The following TTC5 variants were observed in gnomAD, a reference collection of about 807,000 sequenced individuals.
TTC5 encodes the protein tetratricopeptide repeat domain 5, also known as tetratricopeptide repeat protein 5.
TTC5 carries 46 observed loss-of-function variants against 57.4 expected under a neutral mutation model. The ratio of observed to expected loss-of-function variants is 0.80; its 90% CI spans 0.63 to 1.03. TTC5 has a LOEUF of 1.03. TTC5 is among the 50% of genes least tolerant of loss of function. The pLI is 0.00. For missense variants in TTC5, 504 were observed against 528.1 expected, an observed-to-expected ratio of 0.95 and a Z score of 0.45; for synonymous variants, 190 against 203.5, an observed-to-expected ratio of 0.93 and a Z score of 0.57.
At chr14:20,303,203 A>G (rs1398875004) in intron 1 of TTC5, among the ~76,000 whole-genome samples, 22 of 152,022 alleles carry the variant, frequency 1.4e-4, no homozygotes, top group Non-Finnish European at 2.9e-5. Context: ...AAAAAAAAAA[A>G]AAAGAGTCTC....
intron 8 of TTC5, chr14:20,294,375 G>C (rs1882019121): frequency 6.6e-6 from 1 of 152,068 alleles, no homozygotes; most frequent in Non-Finnish European, 1.5e-5. Flanking sequence ...CTCAGCTCTA[G>C]GATTTGCTCT....
chr14:20,300,544 CAT>C, intron 3 of TTC5, 61 bp downstream of exon 3: 1 of 1,450,392 alleles, frequency 6.9e-7, no homozygotes. Flanking sequence ...TAGGGAAACT[CAT>C]AGAACCAAAG....
At chr14:20,295,237 C>T in intron 8 of TTC5, 75 bp downstream of exon 8, 3 of 1,385,678 alleles carry the variant, frequency 2.2e-6, no homozygotes, top group Non-Finnish European at 1.0e-6. Flanking sequence ...ATCTCCTCAA[C>T]TGCCAGGGAA....
chr14:20,303,409 C>G lies in TTC5; in HGVS notation c.52-1444G>C, dbSNP rs76139716. Among the ~76,000 whole-genome samples the G allele has an allele frequency of 4.0e-3, 612 of 152,278 alleles. 3 individuals are homozygous for G. Among genetic ancestry groups the G allele is most frequent in the African/African-American group, 0.014 (579 of 41,538 alleles). ...TCCAAAATCCAAAAAACTTCGAGTC[C>G]TAAGCATTTCAGATAACAGATATCC... On this transcript the variant is annotated intron_variant, in intron 1 of 9. Coordinates refer to ENST00000258821, the MANE Select transcript of TTC5 (RefSeq NM_138376.3).
Position 20,298,785 on chromosome 14 carries a change from A to G in TTC5, c.639+12T>C, listed in dbSNP as rs373356949. The stretch of plus-strand genomic sequence containing the variant: ...TGCCTATTCATCTGGCCTGGTGACC[A>G]TAAGTACTTACTGCTTGGGCATAGG... On this transcript the variant is annotated intron_variant, in intron 5 of 9. Transcript: ENST00000258821. 8.8e-6 allele frequency: 14 copies of G among 1,595,692 alleles called. No homozygotes were observed. Among genetic ancestry groups the G allele is most frequent in the East Asian group, 4.5e-5 (2 of 44,806 alleles).
intron 5 of TTC5, 39 bp downstream of exon 5, chr14:20,298,758 G>T (rs909626151): frequency 5.0e-6 from 7 of 1,404,094 alleles, no homozygotes; most frequent in East Asian, 4.6e-5. Flanking sequence ...TGCTTCTGTT[G>T]TTGCCTATTC....
chr14:20,305,164 A>C (rs776280041), intron 1 of TTC5, among the ~76,000 whole-genome samples: 4 of 152,230 alleles, frequency 2.6e-5, no homozygotes, highest in Non-Finnish European at 5.9e-5. Context: ...AAATTTCACC[A>C]GTATTTAAAT....
At position 20,289,655 on chromosome 14, in the gene TTC5, G is replaced by C. The variant is rs752936455; in HGVS notation, c.1295C>G (p.Thr432Arg). 2 of 1,613,602 alleles carry C rather than the reference G, an allele frequency of 1.2e-6. No individual in the cohort carries two copies. Among genetic ancestry groups the C allele is most frequent in the South Asian group, 2.2e-5 (2 of 91,010 alleles). The change falls in exon 10 of 10, where the codon ACA (threonine) becomes AGA (arginine). Residue 432 changes from threonine (T) to arginine (R), a missense_variant. By Grantham distance (71) the Thr-to-Arg change is moderately conservative. Coordinates refer to ENST00000258821, the MANE Select transcript of TTC5 (RefSeq NM_138376.3). The stretch of plus-strand genomic sequence containing the variant: ...TTCACACTGTGGTCGCGATGCCACT[G>C]TGGCAACAGCCTGGCTGCTGGATCC... The part of the protein sequence containing the change: ...PQGSSSQAVA[T>R]VASRPQCE
At chr14:20,304,146 T>C (rs1379222507) in intron 1 of TTC5, among the ~76,000 whole-genome samples, 9 of 152,184 alleles carry the variant, frequency 5.9e-5, no homozygotes, top group African/African-American at 1.9e-4. Flanking sequence ...CTTTAATCTG[T>C]TTTGTTTCGA....
intron 1 of TTC5, among the ~76,000 whole-genome samples, chr14:20,303,383 A>G (rs142051933): frequency 1.3e-5 from 2 of 152,284 alleles, no homozygotes; most frequent in African/African-American, 4.8e-5. Flanking sequence ...ATTCAAAAAA[A>G]TCCAAAATCC....
rs1881893619 is a variant in TTC5 at position 20,288,836 on chromosome 14, G to A, written c.*791C>T. ...CTGAGGATTTATCTAACTCTCTCTG[G>A]TCCTTCAGCCTAGTAACACTATTAG... On this transcript the variant is annotated 3_prime_UTR_variant, in exon 10 of 10. Coordinates refer to ENST00000258821, the MANE Select transcript of TTC5 (RefSeq NM_138376.3). The A allele has an allele frequency of 6.6e-6, 1 of 152,110 alleles. No individual in the cohort carries two copies. The highest frequency in any genetic ancestry group is 1.5e-5 in the Non-Finnish European group (1 of 68,014). 9.4% of individuals were successfully genotyped at this position (152,110 alleles called of 1,614,324 possible).
chr14:20,295,482 C>T lies in TTC5; in HGVS notation c.888G>A (p.Leu296=), dbSNP rs1419148589. 3 of 1,613,912 alleles carry T rather than the reference C, an allele frequency of 1.9e-6. No homozygotes were observed. Among genetic ancestry groups the T allele is most frequent in the Non-Finnish European group, 2.5e-6 (3 of 1,179,890 alleles). The change falls in exon 8 of 10, where the codon TTG becomes TTA. Residue 296 remains leucine, a synonymous_variant. Coordinates refer to ENST00000258821, the MANE Select transcript of TTC5 (RefSeq NM_138376.3). ...TGCAAGGGCCTAGATGGGCTGGGCGCAAGCTTCCCAGCATGCTCTGCAGCT... is the reference window on the plus strand; with the variant it reads ...TGCAAGGGCCTAGATGGGCTGGGCGTAAGCTTCCCAGCATGCTCTGCAGCT... ...TKKLQSMLGS[L]RPAHLGPCSD...
chr14:20,294,351 C>T (rs564058817), intron 8 of TTC5: 1 of 152,126 alleles, frequency 6.6e-6, no homozygotes, highest in South Asian at 2.1e-4. Flanking sequence ...TGTCTATATC[C>T]CTTTCTAATT....
rs529786904 is a variant in TTC5 at position 20,286,841 on chromosome 14, C to G, written c.*2786G>C. The G allele has an allele frequency of 5.7e-4, 87 of 151,542 alleles. No individual in the cohort carries two copies. Among genetic ancestry groups the G allele is most frequent in the African/African-American group, 2.0e-3 (83 of 41,344 alleles). 9.4% of individuals were successfully genotyped at this position (151,542 alleles called of 1,614,324 possible). A position where few individuals can be genotyped will look rare whatever the true frequency, so the allele number is the denominator to read the frequency against. ...CATCCAATACAGCAGTGTGCAAAGA[C>G]TCGAATAGGCATTTTACCGAGAGAA... is the stretch of plus-strand genomic sequence containing the variant. On this transcript the variant is annotated 3_prime_UTR_variant, in exon 10 of 10. Transcript: ENST00000258821.
chr14:20,289,600 C>T lies in TTC5; in HGVS notation c.*27G>A. On this transcript the variant is annotated 3_prime_UTR_variant, in exon 10 of 10. Transcript: ENST00000258821. ...CCAGAGCCTTGTCTCCTCTCCTCCACTCCCTGTTGAGCATGCAAGTCAAAG... is the reference window on the plus strand; with the variant it reads ...CCAGAGCCTTGTCTCCTCTCCTCCATTCCCTGTTGAGCATGCAAGTCAAAG... 1 of 1,602,612 alleles carries T rather than the reference C, an allele frequency of 6.2e-7. No individual in the cohort carries two copies. The highest frequency in any genetic ancestry group is 8.5e-7 in the Non-Finnish European group (1 of 1,173,862).
chr14:20,292,694 G>C (rs998650196), intron 8 of TTC5: 3 of 152,190 alleles, frequency 2.0e-5, no homozygotes, highest in African/African-American at 7.2e-5. Flanking sequence ...TTACAGCACA[G>C]TGTGATGGGT....
chr14:20,291,806 C>T (rs2138805427), intron 9 of TTC5, among the ~76,000 whole-genome samples, 177 bp downstream of exon 9: 1 of 151,800 alleles, frequency 6.6e-6, no homozygotes, highest in Non-Finnish European at 1.5e-5. Flanking sequence ...TACCAGTTTA[C>T]CTTTTTAGTA....
At position 20,289,765 on chromosome 14, in the gene TTC5, C is replaced by T. The variant is rs375875229; in HGVS notation, c.1204-19G>A. 2.5e-5 allele frequency: 40 copies of T among 1,605,948 alleles called. No individual in the cohort carries two copies. The highest frequency in any genetic ancestry group is 3.2e-5 in the Non-Finnish European group (38 of 1,176,198). On this transcript the variant is annotated intron_variant, in intron 9 of 9. Transcript: ENST00000258821. ...AATAGTCCTAGAAAAGACAGACAGA[C>T]AAAGGTTCACTACAGATTCCAAGAT...
intron 9 of TTC5, 51 bp downstream of exon 9, chr14:20,291,932 G>A (rs1252745506): frequency 1.7e-5 from 24 of 1,436,720 alleles, no homozygotes; most frequent in Non-Finnish European, 2.2e-5. Context: ...GATAAGCTTG[G>A]TTCTACTTTT....
Sources: gnomAD v4.1 joint callset for allele counts (sites outside exome capture counted in the v4.1 genomes callset) on GRCh38, gnomAD v4.1.1 for gene constraint, MANE v1.5 for transcripts, NCBI Gene and HGNC (gene_info 2026-07-23, HGNC 2026-07-21) for gene names.